Variants in RNF24 observed in about 807,000 individuals in gnomAD.
The protein encoded by RNF24 is ring finger protein 24.
Under a neutral mutation model 20.0 loss-of-function variants are expected in RNF24, and 14 were observed. The observed-to-expected ratio is 0.70, with a 90% CI of 0.46 to 1.10. The LOEUF is 1.10. Ranked by LOEUF, RNF24 falls within the 50% of genes least tolerant of loss-of-function variation. The probability of loss-of-function intolerance (pLI) is 0.00; values close to 1 mark genes in which losing one functional copy is unlikely to be tolerated. For missense variants in RNF24, 124 were observed against 177.6 expected, an observed-to-expected ratio of 0.70 and a Z score of 1.71; for synonymous variants, 45 against 61.1, an observed-to-expected ratio of 0.74 and a Z score of 1.23.
At chr20:3,977,909 C>T (rs969256647) in intron 1 of RNF24, among the ~76,000 whole-genome samples, 1 of 149,812 alleles carries the variant, frequency 6.7e-6, no homozygotes. Context: ...ATTTGGCACA[C>T]ACACAAAAAA....
chr20:3,936,309 T>C (rs2090890239), intron 4 of RNF24, among the ~76,000 whole-genome samples: 1 of 152,166 alleles, frequency 6.6e-6, no homozygotes. Context: ...TCAGACACAC[T>C]AGCTGTGTGG....
intron 4 of RNF24, among the ~76,000 whole-genome samples, chr20:3,941,518 AT>A (rs1473632983): frequency 2.0e-5 from 3 of 152,198 alleles, no homozygotes; most frequent in Non-Finnish European, 2.9e-5. Flanking sequence ...CAACAGATAA[AT>A]TAAAATGAAG....
intron 1 of RNF24, among the ~76,000 whole-genome samples, chr20:3,991,162 A>C (rs1489617733): frequency 6.6e-6 from 1 of 151,982 alleles, no homozygotes; most frequent in Non-Finnish European, 1.5e-5. Flanking sequence ...GGATATGTTA[A>C]TGTTACCTAT....
intron 1 of RNF24, among the ~76,000 whole-genome samples, chr20:3,992,312 G>A (rs1307757838): frequency 1.3e-5 from 2 of 152,164 alleles, no homozygotes; most frequent in African/African-American, 2.4e-5. Flanking sequence ...TAGTAAAGCA[G>A]TTATATCAAC....
rs1411681701 is a variant in RNF24, at chr20:3,980,010, CAATG to C, written c.-7-15990_-7-15987del. Among the ~76,000 whole-genome samples the C allele has an allele frequency of 3.9e-5, 6 of 152,100 alleles. No homozygotes were observed. In the East Asian group the frequency reaches 1.2e-3, roughly 29 times the overall value. The stretch of plus-strand genomic sequence containing the variant: ...CAAAAATGTATGAATTAAAACAAAA[CAATG>C]AAAGGAATTGAAATCAACTAACCAA... On this transcript the variant is annotated intron_variant, in intron 1 of 5. Coordinates refer to ENST00000358395, the MANE Select transcript of RNF24 (RefSeq NM_001134337.3).
At chr20:3,962,775 A>G (rs2091217078) in intron 2 of RNF24, among the ~76,000 whole-genome samples, 1 of 150,964 alleles carries the variant, frequency 6.6e-6, no homozygotes, top group Non-Finnish European at 1.5e-5. Context: ...CAATGGCACG[A>G]TCTTGGCTCA....
chr20:4,014,398 G>C (rs77401425), intron 1 of RNF24, among the ~76,000 whole-genome samples: 2 of 152,308 alleles, frequency 1.3e-5, no homozygotes, highest in African/African-American at 4.8e-5. Flanking sequence ...TATTCCTATA[G>C]ACATGTTTAT....
intron 1 of RNF24, among the ~76,000 whole-genome samples, chr20:3,987,565 T>C (rs544198843): frequency 6.6e-6 from 1 of 152,346 alleles, no homozygotes; most frequent in Non-Finnish European, 1.5e-5. Flanking sequence ...AGAGCCAATT[T>C]TTAGTCTACA....
chr20:3,940,429 A>C (rs901370684), intron 4 of RNF24, among the ~76,000 whole-genome samples: 3 of 150,376 alleles, frequency 2.0e-5, no homozygotes, highest in Non-Finnish European at 4.4e-5. Flanking sequence ...AAAAAAAAAA[A>C]CTCTCCAGGA....
chr20:3,983,631 A>T (rs1979618797), intron 1 of RNF24, among the ~76,000 whole-genome samples: 1 of 152,058 alleles, frequency 6.6e-6, no homozygotes, highest in Non-Finnish European at 1.5e-5. Flanking sequence ...TTTATATATC[A>T]CCTAAAATAA....
chr20:3,977,640 C>A (rs962346975), intron 1 of RNF24, among the ~76,000 whole-genome samples: 1 of 151,908 alleles, frequency 6.6e-6, no homozygotes, highest in African/African-American at 2.4e-5. Flanking sequence ...CCGAGGCGGG[C>A]GGATCACGAG....
chr20:3,995,772 A>C (rs142681026), intron 1 of RNF24, among the ~76,000 whole-genome samples: 1 of 152,250 alleles, frequency 6.6e-6, no homozygotes, highest in East Asian at 1.9e-4. Context: ...AACAACTGAG[A>C]CGATGGGGCA....
chr20:3,990,711 T>C (rs981671391), intron 1 of RNF24, among the ~76,000 whole-genome samples: 6 of 151,872 alleles, frequency 4.0e-5, no homozygotes, highest in Admixed American at 2.6e-4. Flanking sequence ...CACACACACA[T>C]ATATATATTT....
intron 1 of RNF24, among the ~76,000 whole-genome samples, chr20:3,974,878 A>G (rs71332032): frequency 0.034 from 5,244 of 152,236 alleles, 124 homozygotes; most frequent in South Asian, 0.055. Context: ...AATCCCAGCA[A>G]ATTTTTTTTT....
chr20:3,932,939 C>A lies in RNF24; in HGVS notation c.*1124G>T. 2.5e-6 allele frequency: 1 copy of A among 398,570 alleles called. No homozygotes were observed. The highest frequency in any genetic ancestry group is 4.4e-6 in the Non-Finnish European group (1 of 226,062). 24.7% of individuals were successfully genotyped at this position (398,570 alleles called of 1,614,324 possible). ...TTTCGGAAGTCCAAATACTGAGGCA[C>A]ACACCAACGGTGGACAGCCCTGCAG... On this transcript the variant is annotated 3_prime_UTR_variant, in exon 6 of 6. Transcript: ENST00000358395.
At chr20:3,973,208 T>TA (rs59928950) in intron 1 of RNF24, among the ~76,000 whole-genome samples, 4,796 of 141,048 alleles carry the variant, frequency 0.034, 255 homozygotes, top group African/African-American at 0.12. Context: ...CATCTCAAAA[T>TA]AAAAAAAAAA....
At position 3,931,019 on chromosome 20, in the gene RNF24, G is replaced by A. The variant is rs1046131805; in HGVS notation, c.*3044C>T. ...TCACACGTGGCAAAGAAAAGCAGCA[G>A]ATGTCAACTTCCTAGTGTCTGATAC... On this transcript the variant is annotated 3_prime_UTR_variant, in exon 6 of 6. Coordinates refer to ENST00000358395, the MANE Select transcript of RNF24 (RefSeq NM_001134337.3). The A allele has an allele frequency of 6.6e-6, 1 of 152,286 alleles. No homozygotes were observed. The highest frequency in any genetic ancestry group is 2.4e-5 in the African/African-American group (1 of 41,446). 9.4% of individuals were successfully genotyped at this position (152,286 alleles called of 1,614,324 possible). A position where few individuals can be genotyped will look rare whatever the true frequency, so the allele number is the denominator to read the frequency against.
chr20:3,987,326 A>G (rs1028892601), intron 1 of RNF24, among the ~76,000 whole-genome samples: 4 of 152,224 alleles, frequency 2.6e-5, no homozygotes, highest in Non-Finnish European at 2.9e-5. Context: ...AGCGGTTCCC[A>G]TCTCAACATG....
chr20:3,951,020 A>G (rs371118657), intron 2 of RNF24, among the ~76,000 whole-genome samples: 6 of 152,236 alleles, frequency 3.9e-5, no homozygotes, highest in African/African-American at 1.4e-4. Flanking sequence ...CAGTGGCATG[A>G]TCTCGGCTCA....
Sources: gnomAD v4.1 joint callset for allele counts (sites outside exome capture counted in the v4.1 genomes callset) on GRCh38, gnomAD v4.1.1 for gene constraint, MANE v1.5 for transcripts, NCBI Gene and HGNC (gene_info 2026-07-23, HGNC 2026-07-21) for gene names.